The following HS6ST3 variants were observed in gnomAD, a reference collection of about 807,000 sequenced individuals.
HS6ST3 encodes the protein heparan-sulfate 6-O-sulfotransferase 3.
In HS6ST3, 12 loss-of-function variants were observed where a neutral mutation model predicts 36.7. The ratio of observed to expected loss-of-function variants is 0.33; its 90% CI spans 0.21 to 0.53. The LOEUF (loss-of-function observed/expected upper bound fraction) is 0.53, where lower values mean the gene tolerates loss of function less well. HS6ST3 is among the 20% of genes least tolerant of loss of function. HS6ST3 has a pLI of 0.95. For synonymous variants in HS6ST3, 240 were observed against 257.5 expected, an observed-to-expected ratio of 0.93 and a Z score of 0.65; for missense variants, 584 against 640.9, an observed-to-expected ratio of 0.91 and a Z score of 0.96.
At chr13:96,274,716 A>G (rs147656156) in intron 1 of HS6ST3, among the ~76,000 whole-genome samples, 2 of 152,138 alleles carry the variant, frequency 1.3e-5, no homozygotes, top group African/African-American at 2.4e-5. Context: ...GCTGCTCTCC[A>G]TAGAATTATA....
At chr13:96,814,919 A>G (rs1461456777) in intron 1 of HS6ST3, among the ~76,000 whole-genome samples, 1 of 152,144 alleles carries the variant, frequency 6.6e-6, no homozygotes, top group Non-Finnish European at 1.5e-5. Context: ...GTGTTTCTCA[A>G]ATATTTAGTA....
chr13:96,766,330 C>T (rs536040540), intron 1 of HS6ST3, among the ~76,000 whole-genome samples: 30 of 152,256 alleles, frequency 2.0e-4, no homozygotes, highest in Non-Finnish European at 2.6e-4. Flanking sequence ...ACCCTGACTG[C>T]GGCAGATTTC....
At chr13:96,708,290 G>A (rs1474108075) in intron 1 of HS6ST3, among the ~76,000 whole-genome samples, 4 of 152,124 alleles carry the variant, frequency 2.6e-5, no homozygotes, top group Non-Finnish European at 4.4e-5. Context: ...TTGCATTAGG[G>A]TTTCTGAAAA....
chr13:96,707,713 C>T (rs1269141904), intron 1 of HS6ST3, among the ~76,000 whole-genome samples: 1 of 152,170 alleles, frequency 6.6e-6, no homozygotes, highest in African/African-American at 2.4e-5. Context: ...CCTTTGCAGT[C>T]TGTGTGCTCA....
chr13:96,230,044 A>G (rs1013070417), intron 1 of HS6ST3, among the ~76,000 whole-genome samples: 1 of 152,178 alleles, frequency 6.6e-6, no homozygotes, highest in Non-Finnish European at 1.5e-5. Context: ...AGAGCATGGG[A>G]GGAACATGTT....
chr13:96,121,402 C>T (rs1003317709), intron 1 of HS6ST3, among the ~76,000 whole-genome samples: 7 of 152,128 alleles, frequency 4.6e-5, no homozygotes, highest in Non-Finnish European at 1.0e-4. Context: ...TGTGGACTAG[C>T]GCTATCTGCA....
chr13:96,708,790 C>T (rs1291262329), intron 1 of HS6ST3, among the ~76,000 whole-genome samples: 2 of 152,046 alleles, frequency 1.3e-5, no homozygotes, highest in African/African-American at 4.8e-5. Flanking sequence ...GAAGGCCTAT[C>T]AATGAAGGAC....
At chr13:96,488,071 T>G (rs983537364) in intron 1 of HS6ST3, among the ~76,000 whole-genome samples, 3 of 152,150 alleles carry the variant, frequency 2.0e-5, no homozygotes, top group African/African-American at 7.2e-5. Flanking sequence ...ATGTTTTTCT[T>G]TGCAAAATGT....
intron 1 of HS6ST3, among the ~76,000 whole-genome samples, chr13:96,092,174 G>T (rs922552493): frequency 4.6e-5 from 7 of 152,126 alleles, no homozygotes; most frequent in African/African-American, 1.7e-4. Flanking sequence ...GGTCTTTGTT[G>T]CCCAGCAGTG....
chr13:96,757,182 T>C (rs1876852565), intron 1 of HS6ST3, among the ~76,000 whole-genome samples: 1 of 152,192 alleles, frequency 6.6e-6, no homozygotes, highest in Non-Finnish European at 1.5e-5. Flanking sequence ...TACAACATAA[T>C]GTAATCACGG....
intron 1 of HS6ST3, among the ~76,000 whole-genome samples, chr13:96,440,560 A>T (rs528892976): frequency 2.2e-4 from 33 of 152,164 alleles, no homozygotes; most frequent in African/African-American, 7.7e-4. Context: ...TGGCTTGCAT[A>T]TGCTTTTATC....
At chr13:96,326,109 A>C (rs932017310) in intron 1 of HS6ST3, among the ~76,000 whole-genome samples, 1 of 152,150 alleles carries the variant, frequency 6.6e-6, no homozygotes, top group African/African-American at 2.4e-5. Flanking sequence ...ATTGAAAAAC[A>C]TCCAATTTAT....
chr13:96,219,864 A>G (rs892531803), intron 1 of HS6ST3, among the ~76,000 whole-genome samples: 2 of 152,026 alleles, frequency 1.3e-5, no homozygotes, highest in Non-Finnish European at 2.9e-5. Context: ...TTGTATTTTT[A>G]GTAGAGATGG....
At chr13:96,624,542 C>T (rs1358055927) in intron 1 of HS6ST3, among the ~76,000 whole-genome samples, 1 of 152,114 alleles carries the variant, frequency 6.6e-6, no homozygotes, top group Non-Finnish European at 1.5e-5. Flanking sequence ...TTGGACTGGT[C>T]ACCCAGATAG....
At chr13:96,184,638 T>C (rs2054257178) in intron 1 of HS6ST3, among the ~76,000 whole-genome samples, 1 of 152,056 alleles carries the variant, frequency 6.6e-6, no homozygotes, top group South Asian at 2.1e-4. Context: ...TCCTCCATAT[T>C]GCACTAGACA....
At chr13:96,116,600 T>G (rs1335604744) in intron 1 of HS6ST3, among the ~76,000 whole-genome samples, 1 of 152,252 alleles carries the variant, frequency 6.6e-6, no homozygotes, top group African/African-American at 2.4e-5. Flanking sequence ...CCATGAATTC[T>G]AAGCAATCAG....
chr13:96,617,620 T>C (rs544770506), intron 1 of HS6ST3, among the ~76,000 whole-genome samples: 1 of 152,328 alleles, frequency 6.6e-6, no homozygotes, highest in Non-Finnish European at 1.5e-5. Flanking sequence ...TGAAATATAC[T>C]TACTGTGGTT....
At chr13:96,538,529 C>T (rs1040138668) in intron 1 of HS6ST3, among the ~76,000 whole-genome samples, 9 of 152,300 alleles carry the variant, frequency 5.9e-5, no homozygotes, top group East Asian at 1.9e-4. Context: ...CTGCAACCTC[C>T]GCCTCCTGGG....
chr13:96,174,359 C>T (rs559107730), intron 1 of HS6ST3, among the ~76,000 whole-genome samples: 3 of 152,136 alleles, frequency 2.0e-5, no homozygotes, highest in African/African-American at 7.2e-5. Context: ...AGGAATTTAT[C>T]TCACACATCT....
Sources: gnomAD v4.1 joint callset for allele counts (sites outside exome capture counted in the v4.1 genomes callset) on GRCh38, gnomAD v4.1.1 for gene constraint, MANE v1.5 for transcripts, NCBI Gene and HGNC (gene_info 2026-07-23, HGNC 2026-07-21) for gene names.